EVI5: variants seen among roughly 807,000 people sequenced by gnomAD.
The protein encoded by EVI5 is ecotropic viral integration site 5.
In EVI5, 73 loss-of-function variants were observed where a neutral mutation model predicts 112.0. The ratio of observed to expected loss-of-function variants is 0.65; its 90% CI spans 0.54 to 0.79. The LOEUF (loss-of-function observed/expected upper bound fraction) is 0.79. EVI5 is among the 30% of genes least tolerant of loss of function. The pLI is 0.00. For missense variants in EVI5, 900 were observed against 968.8 expected, an observed-to-expected ratio of 0.93 and a Z score of 0.94; for synonymous variants, 305 against 319.9, an observed-to-expected ratio of 0.95 and a Z score of 0.50.
Position 92,594,862 on chromosome 1 carries a change from A to G in EVI5, c.2070+10445T>C, listed in dbSNP as rs1433201006. Among the ~76,000 whole-genome samples, 5 of 151,900 alleles carry G rather than the reference A, an allele frequency of 3.3e-5. No individual in the cohort carries two copies. In the East Asian group the frequency reaches 7.7e-4, roughly 24 times the overall value. ...CAGAGAAATGCAAATCAAAACCACA[A>G]TGAGATACCATCTCACACCAGTTAG... On this transcript the variant is annotated intron_variant, in intron 18 of 19. Coordinates refer to ENST00000684568, the MANE Select transcript of EVI5 (RefSeq NM_001350197.2).
At chr1:92,550,815 A>ATATATATATATATAT (rs1557766729) in intron 19 of EVI5, among the ~76,000 whole-genome samples, 2 of 90,234 alleles carry the variant, frequency 2.2e-5, no homozygotes, top group African/African-American at 9.0e-5. Flanking sequence ...TATATATATA[A>ATATATATATATATAT]CAAAAAAAAC....
At chr1:92,544,023 C>T (rs568813830) in intron 19 of EVI5, among the ~76,000 whole-genome samples, 29 of 152,282 alleles carry the variant, frequency 1.9e-4, no homozygotes, top group African/African-American at 5.8e-4. Context: ...ACACATGCTA[C>T]GACATGAATG....
intron 16 of EVI5, 118 bp downstream of exon 16, chr1:92,624,058 G>A (rs907665624): frequency 8.4e-6 from 7 of 836,060 alleles, no homozygotes; most frequent in East Asian, 2.5e-5. Flanking sequence ...AGAAAACTGC[G>A]GTCTATACAG....
Position 92,513,541 on chromosome 1 carries a change from ATATATATATATATATATATATATATGTAC to A in EVI5, c.*86_*114del. The A allele has an allele frequency of 6.0e-4, 11 of 18,218 alleles. No homozygotes were observed. In the East Asian group the frequency reaches 0.012, roughly 20 times the overall value. 1.1% of individuals were successfully genotyped at this position (18,218 alleles called of 1,614,324 possible). ...TATATATATATATATATATATATAT[ATATATATATATATATATATATATATGTAC>A]ATATGAAACAAATTATTTCCAAAAA... On this transcript the variant is annotated 3_prime_UTR_variant, in exon 20 of 20. Transcript: ENST00000684568.
At chr1:92,757,420 TGA>T (rs1318189117) in intron 1 of EVI5, among the ~76,000 whole-genome samples, 1 of 152,080 alleles carries the variant, frequency 6.6e-6, no homozygotes, top group Non-Finnish European at 1.5e-5. Context: ...TCTACAGTTT[TGA>T]GTTTTATCTT....
At chr1:92,613,951 T>C (rs1652465619) in intron 16 of EVI5, among the ~76,000 whole-genome samples, 1 of 152,172 alleles carries the variant, frequency 6.6e-6, no homozygotes, top group African/African-American at 2.4e-5. Flanking sequence ...TCTTCTGTAA[T>C]AAGTAACAAA....
chr1:92,594,388 C>T (rs76888041), intron 18 of EVI5, among the ~76,000 whole-genome samples: 139,285 of 151,194 alleles, frequency 0.92, 64,253 homozygotes, highest in East Asian at 0.97. Flanking sequence ...ACTGGATCCC[C>T]TCATTACACC....
intron 1 of EVI5, among the ~76,000 whole-genome samples, chr1:92,769,612 A>G (rs7554868): frequency 0.92 from 139,892 of 152,204 alleles, 64,367 homozygotes; most frequent in East Asian, 0.97. Context: ...TAGGCTGGGC[A>G]CGGTGGCTCA....
At chr1:92,755,073 T>TTG (rs1680732208) in intron 1 of EVI5, among the ~76,000 whole-genome samples, 2 of 11,044 alleles carry the variant, frequency 1.8e-4, no homozygotes, top group African/African-American at 2.9e-4. Flanking sequence ...CATAGGTTTT[T>TTG]TTTTTTTTTT....
intron 18 of EVI5, among the ~76,000 whole-genome samples, chr1:92,591,374 G>A (rs957576805): frequency 3.3e-5 from 5 of 152,060 alleles, no homozygotes; most frequent in African/African-American, 7.2e-5. Context: ...CCCACCTCAA[G>A]TGCAGAGACA....
intron 2 of EVI5, among the ~76,000 whole-genome samples, chr1:92,727,907 C>G (rs1675829043): frequency 2.0e-5 from 3 of 151,358 alleles, no homozygotes; most frequent in African/African-American, 2.4e-5. Context: ...GATGGAAGAA[C>G]TGCTTGAGTC....
Position 92,694,316 on chromosome 1 carries a change from T to C in EVI5, c.982A>G (p.Met328Val), listed in dbSNP as rs745626035. The change falls in exon 8 of 20, where the codon ATG becomes GTG. Residue 328 changes from methionine to valine, a missense_variant. By Grantham distance (21) the Met-to-Val change is conservative (BLOSUM62 1). Transcript: ENST00000684568. Reference sequence around the variant, plus strand: ...GAACTTACCTGTAACATCCCTTCCATGTCAAGTTGCATCAGTTCTGCCTGA... The same window carrying C: ...GAACTTACCTGTAACATCCCTTCCACGTCAAGTTGCATCAGTTCTGCCTGA... ...MNQAELMQLD[M>V]EGMLQHFQKV... is the part of the protein sequence containing the mutation. 1 of 1,584,390 alleles carries C rather than the reference T, an allele frequency of 6.3e-7. No individual in the cohort carries two copies. Among genetic ancestry groups the C allele is most frequent in the Non-Finnish European group, 8.6e-7 (1 of 1,156,652 alleles).
At chr1:92,613,677 C>A (rs1367214249) in intron 16 of EVI5, among the ~76,000 whole-genome samples, 1 of 152,154 alleles carries the variant, frequency 6.6e-6, no homozygotes, top group Non-Finnish European at 1.5e-5. Context: ...CAGCCTCAAA[C>A]TCCTGGGCTC....
At chr1:92,539,412 G>A (rs974347651) in intron 19 of EVI5, among the ~76,000 whole-genome samples, 22 of 151,672 alleles carry the variant, frequency 1.5e-4, no homozygotes, top group South Asian at 2.1e-4. Flanking sequence ...GTGTAGTGGC[G>A]GGCGCCTGTA....
At chr1:92,783,495 AAAAAAAAAAAAAG>A (rs1685148234) in intron 1 of EVI5, among the ~76,000 whole-genome samples, 2 of 122,224 alleles carry the variant, frequency 1.6e-5, no homozygotes, top group South Asian at 6.2e-4. Flanking sequence ...AAAAAAAAAA[AAAAAAAAAAAAAG>A]AAAAGAAAAG....
chr1:92,600,447 A>C (rs1228155163), intron 18 of EVI5, among the ~76,000 whole-genome samples: 1 of 152,174 alleles, frequency 6.6e-6, no homozygotes, highest in Non-Finnish European at 1.5e-5. Flanking sequence ...TAATTTTTAA[A>C]TTATTAAACC....
At chr1:92,579,822 T>C (rs1444110032) in intron 18 of EVI5, among the ~76,000 whole-genome samples, 2 of 152,204 alleles carry the variant, frequency 1.3e-5, no homozygotes. Flanking sequence ...TGAGCCCCCG[T>C]GCCCAACCTA....
intron 1 of EVI5, among the ~76,000 whole-genome samples, chr1:92,778,800 A>G (rs1243931791): frequency 6.6e-6 from 1 of 152,182 alleles, no homozygotes; most frequent in Non-Finnish European, 1.5e-5. Flanking sequence ...AAGGGATATG[A>G]AGGAATTTTC....
intron 19 of EVI5, among the ~76,000 whole-genome samples, chr1:92,538,455 A>G (rs1022866791): frequency 6.6e-6 from 1 of 152,184 alleles, no homozygotes; most frequent in Non-Finnish European, 1.5e-5. Flanking sequence ...CTTCTTTTCT[A>G]TTTGGATTGG....
Sources: gnomAD v4.1 joint callset for allele counts (sites outside exome capture counted in the v4.1 genomes callset) on GRCh38, gnomAD v4.1.1 for gene constraint, MANE v1.5 for transcripts, NCBI Gene and HGNC (gene_info 2026-07-23, HGNC 2026-07-21) for gene names.